STK17B: variants seen among roughly 807,000 people sequenced by gnomAD.
STK17B encodes serine/threonine kinase 17b, also known as serine/threonine-protein kinase 17B.
Under a neutral mutation model 42.0 loss-of-function variants are expected in STK17B, and 21 were observed. The ratio of observed to expected loss-of-function variants is 0.50; its 90% confidence interval spans 0.35 to 0.72. The LOEUF (loss-of-function observed/expected upper bound fraction) is 0.72. Ranked by LOEUF, STK17B falls within the 30% of genes least tolerant of loss-of-function variation. STK17B has a pLI of 0.00. For synonymous variants in STK17B, 143 were observed against 148.4 expected, an observed-to-expected ratio of 0.96 and a Z score of 0.26; for missense variants, 349 against 446.0, an observed-to-expected ratio of 0.78 and a Z score of 1.96.
chr2:196,169,431 A>T (rs1699910967), intron 1 of STK17B, among the ~76,000 whole-genome samples: 1 of 152,134 alleles, frequency 6.6e-6, no homozygotes, highest in African/African-American at 2.4e-5. Flanking sequence ...TATGCATGCA[A>T]TTTTAAGGCA....
intron 2 of STK17B, among the ~76,000 whole-genome samples, 173 bp downstream of exon 2, chr2:196,163,089 C>T (rs943642895): frequency 6.6e-6 from 1 of 152,102 alleles, no homozygotes; most frequent in African/African-American, 2.4e-5. Context: ...AAACCCTCCA[C>T]AGATTTGATT....
At chr2:196,169,136 G>A (rs1018226880) in intron 1 of STK17B, among the ~76,000 whole-genome samples, 1 of 145,010 alleles carries the variant, frequency 6.9e-6, no homozygotes, top group East Asian at 2.0e-4. Context: ...GAGTGCAGTG[G>A]CGTGATCTCG....
intron 6 of STK17B, among the ~76,000 whole-genome samples, chr2:196,140,577 CTTTTTTTTTT>C (rs58205758): frequency 2.0e-5 from 2 of 101,472 alleles, no homozygotes; most frequent in South Asian, 3.8e-4. Flanking sequence ...CTTCTTCTAG[CTTTTTTTTTT>C]TTTTTTTTTT....
chr2:196,157,365 T>G (rs1448907163), intron 2 of STK17B, among the ~76,000 whole-genome samples: 1 of 152,174 alleles, frequency 6.6e-6, no homozygotes, highest in African/African-American at 2.4e-5. Flanking sequence ...AACTGTACCC[T>G]TCATAGGGTA....
At chr2:196,174,466 T>C (rs974053087), upstream of STK17B, 1 of 152,322 alleles carries the variant, frequency 6.6e-6, no homozygotes, top group Non-Finnish European at 1.5e-5. Flanking sequence ...CTCAAAACTC[T>C]TGCCACTGAC....
At chr2:196,146,345 AAC>A (rs1400396266) in intron 3 of STK17B, among the ~76,000 whole-genome samples, 1 of 152,056 alleles carries the variant, frequency 6.6e-6, no homozygotes, top group Non-Finnish European at 1.5e-5. Flanking sequence ...CTCTACTAAA[AAC>A]ACAAAAATTA....
At position 196,137,439 on chromosome 2, in the gene STK17B, A is replaced by G; in HGVS notation, c.*8T>C. 6.2e-7 allele frequency: 1 copy of G among 1,608,522 alleles called. No individual in the cohort carries two copies. Among genetic ancestry groups the G allele is most frequent in the East Asian group, 2.2e-5 (1 of 44,802 alleles). ...AAATTCAGTCCAAATGAGTCAAAGA[A>G]AAAAGTGCTAACAGAGCAAATCTGA... On this transcript the variant is annotated 3_prime_UTR_variant, in exon 8 of 8. Transcript: ENST00000263955.
Position 196,137,647 on chromosome 2 carries a change from T to G in STK17B, c.919A>C (p.Thr307Pro). 1 of 1,614,104 alleles carries G rather than the reference T, an allele frequency of 6.2e-7. No homozygotes were observed. The highest frequency in any genetic ancestry group is 1.1e-5 in the South Asian group (1 of 91,078). The change falls in exon 8 of 8, where the codon ACT becomes CCT. Residue 307 changes from threonine (T) to proline (P), a missense_variant. Physicochemically the swap from Thr to Pro is conservative, Grantham distance 38. Around this residue, in one of 3 missense-constraint regions of STK17B, gnomAD observed 87 missense variants for 78.8 expected, o/e 1.10. Coordinates refer to ENST00000263955, the MANE Select transcript of STK17B (RefSeq NM_004226.4). ...TCCTGAGTTTGAGAGGAACTGGAAG[T>G]TTCTTCAGGGTGAAACAAGTTTTCA... ...DFENLFHPEE[T>P]SSSSQTQDHS...
Position 196,136,544 on chromosome 2 carries a change from G to A in STK17B, c.*903C>T, listed in dbSNP as rs1429402023. On this transcript the variant is annotated 3_prime_UTR_variant, in exon 8 of 8. Coordinates refer to ENST00000263955, the MANE Select transcript of STK17B (RefSeq NM_004226.4). ...GAATGACTGGCTTGTATTCTAAGATGCAGAAGACATCTAAAATTCAGTAAG... is the reference window on the plus strand; with the variant it reads ...GAATGACTGGCTTGTATTCTAAGATACAGAAGACATCTAAAATTCAGTAAG... The A allele has an allele frequency of 6.6e-6, 1 of 152,240 alleles. No individual in the cohort carries two copies. Among genetic ancestry groups the A allele is most frequent in the East Asian group, 1.9e-4 (1 of 5,194 alleles). 9.4% of individuals were successfully genotyped at this position (152,240 alleles called of 1,614,324 possible).
At chr2:196,154,662 G>A (rs1413990200) in intron 3 of STK17B, 1 of 152,168 alleles carries the variant, frequency 6.6e-6, no homozygotes, top group African/African-American at 2.4e-5. Flanking sequence ...AGAATTGACT[G>A]GGTGATAGTT....
upstream of STK17B, among the ~76,000 whole-genome samples, chr2:196,172,987 AT>A (rs369996513): frequency 3.1e-3 from 475 of 152,300 alleles, 3 homozygotes; most frequent in South Asian, 0.015. Context: ...TTACATCATT[AT>A]GGTGGTTTTG....
At chr2:196,165,835 T>A (rs1699868823) in intron 1 of STK17B, 1 of 152,264 alleles carries the variant, frequency 6.6e-6, no homozygotes, top group Non-Finnish European at 1.5e-5. Context: ...AAAACAAAAT[T>A]AACATTCTAC....
chr2:196,171,837 G>A (rs984623380), upstream of STK17B, among the ~76,000 whole-genome samples: 5 of 151,196 alleles, frequency 3.3e-5, no homozygotes, highest in Non-Finnish European at 7.4e-5. Context: ...AGGGGCGGAG[G>A]GGGCGGCGCT....
At chr2:196,150,172 C>A (rs1699644110) in intron 3 of STK17B, among the ~76,000 whole-genome samples, 2 of 103,534 alleles carry the variant, frequency 1.9e-5, no homozygotes, top group Admixed American at 1.4e-4. Context: ...TCACCCAGAG[C>A]AGTGACTAAA....
chr2:196,170,895 C>T (rs2105719748), intron 1 of STK17B: 1 of 152,368 alleles, frequency 6.6e-6, no homozygotes, highest in Non-Finnish European at 1.5e-5. Context: ...GGGAACGCGC[C>T]CACGCCGCAG....
chr2:196,140,577 CTTTTTTTT>C (rs58205758), intron 6 of STK17B, among the ~76,000 whole-genome samples: 1 of 101,478 alleles, frequency 9.9e-6, no homozygotes, highest in Non-Finnish European at 1.9e-5. Context: ...CTTCTTCTAG[CTTTTTTTT>C]TTTTTTTTTT....
rs1699418932 is a variant in STK17B, at chr2:196,137,224, T to C, written c.*223A>G. ...AAACTCACATGTACAATTTTACTTTTTGTCATATATTTAAATATTTTCTTA... is the reference window on the plus strand; with the variant it reads ...AAACTCACATGTACAATTTTACTTTCTGTCATATATTTAAATATTTTCTTA... On this transcript the variant is annotated 3_prime_UTR_variant, in exon 8 of 8. Coordinates refer to ENST00000263955, the MANE Select transcript of STK17B (RefSeq NM_004226.4). 2.1e-6 allele frequency: 1 copy of C among 473,718 alleles called. No homozygotes were observed. 29.3% of individuals were successfully genotyped at this position (473,718 alleles called of 1,614,324 possible).
intron 2 of STK17B, among the ~76,000 whole-genome samples, chr2:196,162,483 C>T (rs899304200): frequency 3.3e-5 from 5 of 150,056 alleles, no homozygotes; most frequent in Admixed American, 2.0e-4. Context: ...TTAACAAAAA[C>T]TTACAGAGCA....
intron 2 of STK17B, among the ~76,000 whole-genome samples, chr2:196,158,484 T>C (rs1178895963): frequency 1.3e-5 from 2 of 152,206 alleles, no homozygotes; most frequent in Non-Finnish European, 2.9e-5. Flanking sequence ...TCTCATTGTA[T>C]GCAGAAGGAA....
Sources: allele counts gnomAD v4.1 joint callset (sites outside exome capture counted in the v4.1 genomes callset), GRCh38; gene constraint gnomAD v4.1.1; regional missense constraint gnomAD v4.1.1; transcripts MANE v1.5; gene names NCBI Gene and HGNC (gene_info 2026-07-23, HGNC 2026-07-21).